NOC3L: variants seen among roughly 807,000 people sequenced by gnomAD.
The protein encoded by NOC3L is nucleolar complex protein 3 homolog.
A neutral mutation model predicts 102.5 loss-of-function variants in NOC3L; 85 were observed. The observed-to-expected ratio is 0.83, with a 90% CI of 0.70 to 0.99. NOC3L has a LOEUF of 0.99. NOC3L is among the 50% of genes least tolerant of loss of function. NOC3L has a pLI of 0.00. For missense variants in NOC3L, 878 were observed against 914.9 expected (o/e 0.96, Z 0.52); for synonymous variants, 303 against 309.4 (o/e 0.98, Z 0.22).
At chr10:94,360,949 C>T (rs2054545669) in intron 2 of NOC3L, among the ~76,000 whole-genome samples, 1 of 151,902 alleles carries the variant, frequency 6.6e-6, no homozygotes, top group African/African-American at 2.4e-5. Flanking sequence ...GAGGTCAAGG[C>T]TGTAGTGGGC....
At chr10:94,356,484 T>C (rs761443461) in intron 5 of NOC3L, 51 bp downstream of exon 5, 12 of 1,108,930 alleles carry the variant, frequency 1.1e-5, no homozygotes, top group Non-Finnish European at 1.5e-5. Context: ...CATTTACTAT[T>C]ATGCAAAAAA....
chr10:94,319,864 C>CTTTTTTTTTTTTTTTTTTTTTTT, the NOC3L span, among the ~76,000 whole-genome samples: 9 of 92,934 alleles, frequency 9.7e-5, no homozygotes, highest in African/African-American at 2.2e-4. Context: ...CAAAGGTGCT[C>CTTTTTTTTTTTTTTTTTTTTTTT]TTTTTTTTTT....
At chr10:94,347,829 A>G (rs535022490) in intron 10 of NOC3L, among the ~76,000 whole-genome samples, 1 of 152,250 alleles carries the variant, frequency 6.6e-6, no homozygotes, top group East Asian at 1.9e-4. Context: ...TAATTCATCC[A>G]AACTAATCAA....
rs758463569 is a variant in NOC3L at position 94,357,172 on chromosome 10, A to C, written c.508+2T>G. 1 of 1,550,376 alleles carries C rather than the reference A, an allele frequency of 6.5e-7. No homozygotes were observed. Among genetic ancestry groups the C allele is most frequent in the South Asian group, 1.3e-5 (1 of 79,118 alleles). On this transcript the variant is annotated splice_donor_variant, in intron 4 of 20. Transcript: ENST00000371361. LOFTEE classifies it high-confidence loss of function. ...CTAATATTACCAGTTTATTAGACTCACCTGGCTTCTCCCTAGTCTGTGGGA... is the reference window on the plus strand; with the variant it reads ...CTAATATTACCAGTTTATTAGACTCCCCTGGCTTCTCCCTAGTCTGTGGGA...
At chr10:94,337,923 A>C (rs1193148680) in intron 18 of NOC3L, 49 bp from the exon 19 acceptor site, 1 of 1,341,442 alleles carries the variant, frequency 7.5e-7, no homozygotes, top group Non-Finnish European at 1.1e-6. Context: ...AGTCCTTTAC[A>C]AAAAACACTA....
intron 5 of NOC3L, 42 bp from the exon 6 acceptor site, chr10:94,355,135 C>T: frequency 4.7e-6 from 7 of 1,504,830 alleles, no homozygotes; most frequent in Non-Finnish European, 6.3e-6. Flanking sequence ...CCTCTGCTTA[C>T]AAGTATCCAA....
rs757667045 is a variant in NOC3L at position 94,358,139 on chromosome 10, CTG to C, written c.292_293del (p.Gln98ValfsTer19). The C allele has an allele frequency of 6.2e-7, 1 of 1,611,920 alleles. No homozygotes were observed. Among genetic ancestry groups the C allele is most frequent in the Non-Finnish European group, 8.5e-7 (1 of 1,178,520 alleles). On this transcript the variant is annotated frameshift_variant, in exon 3 of 21. Coordinates refer to ENST00000371361, the MANE Select transcript of NOC3L (RefSeq NM_022451.11). LOFTEE classifies it high-confidence loss of function. The part of the protein sequence containing the change: ...PLDMMDEDDL[Q>X]LMKDLGQRVS... ...CTCTTTGTCCTAAATCCTTCATTAA[CTG>C]TAAGTCATCTTCATCCATCATATCT...
intron 10 of NOC3L, among the ~76,000 whole-genome samples, chr10:94,348,284 C>T (rs12259622): frequency 0.03 from 4,495 of 150,986 alleles, 225 homozygotes; most frequent in African/African-American, 0.1. Flanking sequence ...GGAGAGACTC[C>T]GTAAATTGGG....
chr10:94,358,655 CCTCT>C (rs1157231107), intron 2 of NOC3L, among the ~76,000 whole-genome samples: 1 of 152,196 alleles, frequency 6.6e-6, no homozygotes, highest in Non-Finnish European at 1.5e-5. Flanking sequence ...TTTCAGCCAG[CCTCT>C]CTAATGGCCA....
intron 19 of NOC3L, among the ~76,000 whole-genome samples, chr10:94,335,890 T>C (rs1242488431): frequency 1.3e-5 from 2 of 152,178 alleles, no homozygotes; most frequent in Non-Finnish European, 2.9e-5. Context: ...TAAGGTGCTA[T>C]AGTTTCAATG....
chr10:94,344,443 G>A lies in NOC3L; in HGVS notation c.1543C>T (p.Leu515=). 1 of 1,613,426 alleles carries A rather than the reference G, an allele frequency of 6.2e-7. No homozygotes were observed. The highest frequency in any genetic ancestry group is 8.5e-7 in the Non-Finnish European group (1 of 1,179,428). Residue 515 remains leucine, a synonymous_variant, in exon 13 of 21, where the codon CTG becomes TTG. Transcript: ENST00000371361. ...GCAAGACCTTCTAGAACTGCTGGCA[G>A]GAGAGGTGACCTCTGGGCCTTCTTC... ...ILKKAQRSPL[L]PAVLEGLAKF...
chr10:94,323,986 GCTGA>G, the NOC3L span, among the ~76,000 whole-genome samples: 1 of 152,188 alleles, frequency 6.6e-6, no homozygotes, highest in African/African-American at 2.4e-5. Context: ...TTCCTCACTG[GCTGA>G]CTTTCATGTC....
downstream of NOC3L, chr10:94,330,101 CTG>C (rs1460232282): frequency 1.3e-5 from 2 of 152,166 alleles, no homozygotes; most frequent in Admixed American, 1.3e-4. Flanking sequence ...CAAATGAAAA[CTG>C]TGCAGAGTAA....
intron 12 of NOC3L, 137 bp downstream of exon 12, chr10:94,344,716 C>T: frequency 2.8e-6 from 2 of 708,016 alleles, no homozygotes; most frequent in African/African-American, 1.8e-5. Flanking sequence ...ATCACAGTTT[C>T]CCGCACATCA....
At chr10:94,352,787 A>C (rs1437501812) in intron 7 of NOC3L, 109 bp downstream of exon 7, 4 of 904,822 alleles carry the variant, frequency 4.4e-6, no homozygotes, top group African/African-American at 1.7e-5. Flanking sequence ...ACGCCACTGC[A>C]CTCTAGTCTG....
In NOC3L at chr10:94,353,056, ATC is replaced by A; in HGVS notation, c.697-1_697del. ...AGAACGTAATTCTTTCAATTTTTTA[ATC>A]TGTTAAAGAAATAGCTTATAAAGCT... On this transcript the variant is annotated splice_acceptor_variant and coding_sequence_variant, in exon 7 of 21. Transcript: ENST00000371361. LOFTEE classifies it high-confidence loss of function. 6.2e-7 allele frequency: 1 copy of A among 1,601,802 alleles called. No individual in the cohort carries two copies. The highest frequency in any genetic ancestry group is 8.5e-7 in the Non-Finnish European group (1 of 1,175,888).
chr10:94,327,740 C>T, the NOC3L span, among the ~76,000 whole-genome samples: 35,388 of 151,962 alleles, frequency 0.23, 4,192 homozygotes, highest in Middle Eastern at 0.41. Context: ...TTTAAAAAAA[C>T]AAACTTTCTA....
At chr10:94,323,991 C>CT in the NOC3L span, among the ~76,000 whole-genome samples, 2 of 152,176 alleles carry the variant, frequency 1.3e-5, no homozygotes, top group Non-Finnish European at 2.9e-5. Context: ...CACTGGCTGA[C>CT]TTTCATGTCT....
At chr10:94,324,666 C>T in the NOC3L span, 1 of 1,114,966 alleles carries the variant, frequency 9.0e-7, no homozygotes, top group Non-Finnish European at 1.4e-6. Context: ...GGAGAAAGTT[C>T]CTGAGTCAAG....
Sources: gnomAD v4.1 joint callset for allele counts (sites outside exome capture counted in the v4.1 genomes callset) on GRCh38, gnomAD v4.1.1 for gene constraint, MANE v1.5 for transcripts, NCBI Gene and HGNC (gene_info 2026-07-23, HGNC 2026-07-21) for gene names.